The following FGD4 variants were observed in gnomAD, a reference collection of about 807,000 sequenced individuals.
The protein encoded by FGD4 is FYVE, RhoGEF and PH domain-containing protein 4.
A neutral mutation model predicts 102.0 loss-of-function variants in FGD4; 42 were observed. The ratio of observed to expected loss-of-function variants is 0.41; its 90% CI spans 0.32 to 0.53. FGD4 has a LOEUF of 0.53. Among genes scored for constraint, FGD4 ranks in the 20% least tolerant of loss-of-function variants. The pLI is 0.21. For synonymous variants in FGD4, 380 were observed against 375.7 expected (o/e 1.01, Z -0.13); for missense variants, 902 against 1,078.2 (o/e 0.84, Z 2.29).
intron 1 of FGD4, among the ~76,000 whole-genome samples, chr12:32,461,958 C>T (rs1166229651): frequency 6.6e-6 from 1 of 152,070 alleles, no homozygotes; most frequent in Non-Finnish European, 1.5e-5. Context: ...AACTTCTGAC[C>T]TCGTGATCCA....
At chr12:32,476,534 G>A (rs909932060) in intron 1 of FGD4, among the ~76,000 whole-genome samples, 6 of 152,118 alleles carry the variant, frequency 3.9e-5, no homozygotes, top group African/African-American at 1.4e-4. Context: ...CCTTTCTGAT[G>A]CATGTTCTGC....
intron 1 of FGD4, among the ~76,000 whole-genome samples, chr12:32,452,061 G>A (rs1328554460): frequency 6.6e-6 from 1 of 152,102 alleles, no homozygotes. Context: ...GACACTCTGT[G>A]AACAATTGTT....
At chr12:32,560,436 T>G (rs1255544244) in intron 1 of FGD4, among the ~76,000 whole-genome samples, 1 of 152,086 alleles carries the variant, frequency 6.6e-6, no homozygotes, top group Non-Finnish European at 1.5e-5. Context: ...TGTATTTTTT[T>G]GAAGAGACAG....
At chr12:32,617,497 A>G (rs1949519874) in intron 10 of FGD4, among the ~76,000 whole-genome samples, 1 of 152,232 alleles carries the variant, frequency 6.6e-6, no homozygotes, top group Non-Finnish European at 1.5e-5. Flanking sequence ...TAAATACTTG[A>G]ACAGTAGAGA....
intron 1 of FGD4, 109 bp from the exon 2 acceptor site, chr12:32,564,028 G>A (rs1944961871): frequency 7.1e-6 from 7 of 988,742 alleles, no homozygotes; most frequent in East Asian, 5.5e-5. Context: ...AGAGGGAGAG[G>A]GAGGGGGAGG....
chr12:32,561,075 G>GTTTTTTTTTT (rs1218919677), intron 1 of FGD4, among the ~76,000 whole-genome samples: 2 of 85,182 alleles, frequency 2.3e-5, no homozygotes, highest in Non-Finnish European at 4.4e-5. Context: ...GTTGGGTTTT[G>GTTTTTTTTTT]TTTTTTTTTT....
chr12:32,419,131 C>T (rs1242183443), intron 1 of FGD4, among the ~76,000 whole-genome samples: 1 of 152,134 alleles, frequency 6.6e-6, no homozygotes, highest in Non-Finnish European at 1.5e-5. Flanking sequence ...GAAATGCTGA[C>T]CAAGAGCCTA....
intron 1 of FGD4, among the ~76,000 whole-genome samples, chr12:32,507,761 A>T (rs1180527955): frequency 1.3e-5 from 2 of 152,128 alleles, no homozygotes; most frequent in Non-Finnish European, 2.9e-5. Flanking sequence ...CTTAAACCTC[A>T]TCTTCCCCAT....
intron 4 of FGD4, among the ~76,000 whole-genome samples, chr12:32,597,084 G>C (rs1004387171): frequency 1.3e-5 from 2 of 152,066 alleles, no homozygotes; most frequent in Non-Finnish European, 2.9e-5. Flanking sequence ...AGAGACAATG[G>C]CTTAATTATT....
intron 1 of FGD4, among the ~76,000 whole-genome samples, chr12:32,438,616 G>GGGTT (rs1555181369): frequency 6.8e-6 from 1 of 146,510 alleles, no homozygotes; most frequent in African/African-American, 2.5e-5. Context: ...GTTTGTGTGT[G>GGGTT]TTTTTTTTTT....
At chr12:32,537,171 G>T (rs925939932) in intron 1 of FGD4, among the ~76,000 whole-genome samples, 8 of 152,104 alleles carry the variant, frequency 5.3e-5, no homozygotes, top group Non-Finnish European at 8.8e-5. Context: ...GCCTCCCAAA[G>T]TGCTGGGATT....
chr12:32,421,433 ATGT>A (rs1462746517), intron 1 of FGD4, among the ~76,000 whole-genome samples: 2 of 151,994 alleles, frequency 1.3e-5, no homozygotes, highest in African/African-American at 4.8e-5. Flanking sequence ...ATCCTTTCTG[ATGT>A]TGTCGTAGGG....
In FGD4 at chr12:32,421,436, T is replaced by C. The variant is rs1166534286; in HGVS notation, c.166+21477T>C. 5.3e-5 allele frequency among the ~76,000 whole-genome samples: 8 copies of C among 152,340 alleles called. No individual in the cohort carries two copies. The South Asian group carries it at 1.7e-3, about 32-fold the overall frequency. On this transcript the variant is annotated intron_variant, in intron 1 of 16. Coordinates refer to ENST00000534526, the MANE Select transcript of FGD4 (RefSeq NM_001370298.3). ...AATTTTCTTGGCATCCTTTCTGATG[T>C]TGTCGTAGGGCCTTATTTCAAGAGC...
rs1237890863 is a variant in FGD4 at position 32,625,734 on chromosome 12, C to T, written c.2127C>T (p.Phe709=). The T allele has an allele frequency of 6.2e-7, 1 of 1,613,828 alleles. No individual in the cohort carries two copies. The highest frequency in any genetic ancestry group is 8.5e-7 in the Non-Finnish European group (1 of 1,179,992). ...TGTGTATGAAATGTAAAGAACCTTT[C>T]AATGCACTGACACGAAGGAGGCATC... ...VTMCMKCKEP[F]NALTRRRHHC... The change falls in exon 14 of 17, where the codon TTC becomes TTT. Residue 709 remains phenylalanine, a synonymous_variant. Transcript: ENST00000534526.
At chr12:32,481,188 C>G (rs1943754259) in intron 1 of FGD4, among the ~76,000 whole-genome samples, 1 of 141,334 alleles carries the variant, frequency 7.1e-6, no homozygotes, top group Admixed American at 7.3e-5. Context: ...CCTGTAATCC[C>G]AGTACTTTGG....
intron 10 of FGD4, among the ~76,000 whole-genome samples, chr12:32,612,689 C>A (rs777031872): frequency 1.3e-5 from 2 of 152,164 alleles, no homozygotes; most frequent in African/African-American, 2.4e-5. Context: ...GACATCAATT[C>A]TCTTCCTAAT....
intron 1 of FGD4, among the ~76,000 whole-genome samples, chr12:32,437,971 C>A (rs1565740123): frequency 6.6e-6 from 1 of 152,204 alleles, no homozygotes; most frequent in Non-Finnish European, 1.5e-5. Flanking sequence ...CAGCTCACTG[C>A]AGGCTCTACT....
chr12:32,551,895 T>C lies in FGD4; in HGVS notation c.167-12242T>C, dbSNP rs138104688. 8.1e-4 allele frequency among the ~76,000 whole-genome samples: 123 copies of C among 152,314 alleles called. No individual in the cohort carries two copies. In the East Asian group the frequency reaches 0.018, roughly 22 times the overall value. The stretch of plus-strand genomic sequence containing the variant: ...TCGTTTAAAAATTCGGCATTTATCT[T>C]ATCCTGTGGAATGGGCAACTTCTCA... On this transcript the variant is annotated intron_variant, in intron 1 of 16. Transcript: ENST00000534526.
intron 7 of FGD4, among the ~76,000 whole-genome samples, chr12:32,603,261 G>A (rs1023329967): frequency 6.6e-6 from 1 of 152,102 alleles, no homozygotes; most frequent in African/African-American, 2.4e-5. Context: ...CAGCATACAT[G>A]GTTGTTCTGT....
Sources: allele counts gnomAD v4.1 joint callset (sites outside exome capture counted in the v4.1 genomes callset), GRCh38; gene constraint gnomAD v4.1.1; transcripts MANE v1.5; gene names NCBI Gene and HGNC (gene_info 2026-07-23, HGNC 2026-07-21).